Variants in AATF observed in about 807,000 individuals in gnomAD.
The protein encoded by AATF is apoptosis antagonizing transcription factor.
Under a neutral mutation model 63.7 loss-of-function variants are expected in AATF, and 48 were observed. The ratio of observed to expected loss-of-function variants is 0.75; its 90% CI spans 0.60 to 0.96. The LOEUF (loss-of-function observed/expected upper bound fraction) is 0.96, where lower values mean the gene tolerates loss of function less well. AATF is among the 40% of genes least tolerant of loss of function. The pLI is 0.00. For synonymous variants in AATF, 258 were observed against 247.7 expected, an observed-to-expected ratio of 1.04 and a Z score of -0.39; for missense variants, 639 against 685.7, an observed-to-expected ratio of 0.93 and a Z score of 0.76.
At chr17:37,007,740 G>C (rs1180369404) in intron 8 of AATF, among the ~76,000 whole-genome samples, 1 of 152,132 alleles carries the variant, frequency 6.6e-6, no homozygotes, top group East Asian at 1.9e-4. Context: ...AAGAGGACAT[G>C]GCATTTGATC....
chr17:37,004,336 G>A (rs2071325551), intron 8 of AATF, among the ~76,000 whole-genome samples: 1 of 149,686 alleles, frequency 6.7e-6, no homozygotes, highest in Admixed American at 6.7e-5. Flanking sequence ...TGAAAAAAAA[G>A]AGAGAGAGTG....
chr17:36,989,474 A>G, intron 7 of AATF, 63 bp downstream of exon 7: 4 of 1,483,226 alleles, frequency 2.7e-6, no homozygotes, highest in Non-Finnish European at 3.6e-6. Context: ...ATTAGCTGAA[A>G]AACTTGTAGC....
intron 4 of AATF, among the ~76,000 whole-genome samples, chr17:36,983,291 C>T (rs537930381): frequency 1.3e-5 from 2 of 152,222 alleles, no homozygotes; most frequent in Admixed American, 6.5e-5. Context: ...AGTTTATCCA[C>T]CTCAGCCTCC....
intron 8 of AATF, among the ~76,000 whole-genome samples, chr17:36,999,389 G>A (rs1367134726): frequency 1.3e-5 from 2 of 152,180 alleles, no homozygotes; most frequent in Non-Finnish European, 2.9e-5. Flanking sequence ...TGGCTGTTTA[G>A]ATTTAAATTT....
intron 11 of AATF, among the ~76,000 whole-genome samples, chr17:37,041,198 T>G (rs571242457): frequency 6.6e-6 from 1 of 152,354 alleles, no homozygotes; most frequent in South Asian, 2.1e-4. Context: ...TCAGATTAAC[T>G]TATAAGCATT....
At chr17:36,960,471 T>G (rs2070938330) in intron 4 of AATF, among the ~76,000 whole-genome samples, 1 of 152,188 alleles carries the variant, frequency 6.6e-6, no homozygotes, top group South Asian at 2.1e-4. Context: ...TTCACATAGT[T>G]CAAAATTCAA....
chr17:36,965,305 C>T (rs928401913), intron 4 of AATF, among the ~76,000 whole-genome samples: 1 of 152,156 alleles, frequency 6.6e-6, no homozygotes, highest in Non-Finnish European at 1.5e-5. Context: ...TTATAGGCGG[C>T]CACATTCTTT....
At chr17:36,978,466 C>T (rs1402241435) in intron 4 of AATF, among the ~76,000 whole-genome samples, 1 of 151,998 alleles carries the variant, frequency 6.6e-6, no homozygotes, top group East Asian at 1.9e-4. Context: ...TTGGCTTAGC[C>T]TTCATGATTT....
In AATF at chr17:37,056,822, C is replaced by T. The variant is rs34871681; in HGVS notation, c.*158C>T. On this transcript the variant is annotated 3_prime_UTR_variant, in exon 12 of 12. Transcript: ENST00000619387. ...CCTAATACACGCAAGGGCGCTGTCCCGCCCAACCCCGCCTTTAAACGCCAC... is the reference window on the plus strand; with the variant it reads ...CCTAATACACGCAAGGGCGCTGTCCTGCCCAACCCCGCCTTTAAACGCCAC... The T allele has an allele frequency of 1.3e-3, 869 of 675,554 alleles. 5 individuals are homozygous for T. The African/African-American group carries it at 0.013, about 10-fold the overall frequency. 41.8% of individuals were successfully genotyped at this position (675,554 alleles called of 1,614,324 possible).
chr17:36,981,898 G>A (rs1308017850), intron 4 of AATF, among the ~76,000 whole-genome samples: 1 of 151,642 alleles, frequency 6.6e-6, no homozygotes, highest in Non-Finnish European at 1.5e-5. Context: ...ATTTTTAAGT[G>A]TACAGTTTAG....
At chr17:37,011,387 A>G (rs1238469206) in intron 8 of AATF, among the ~76,000 whole-genome samples, 2 of 152,168 alleles carry the variant, frequency 1.3e-5, no homozygotes, top group African/African-American at 4.8e-5. Context: ...AAACAAAAAA[A>G]AAGTATGGGG....
At chr17:37,024,567 T>A (rs1347428720) in intron 10 of AATF, among the ~76,000 whole-genome samples, 2 of 152,184 alleles carry the variant, frequency 1.3e-5, no homozygotes, top group African/African-American at 4.8e-5. Flanking sequence ...GAGTGCTAGA[T>A]CATGACCACG....
intron 4 of AATF, among the ~76,000 whole-genome samples, chr17:36,959,041 G>T (rs181520617): frequency 6.6e-6 from 1 of 152,242 alleles, no homozygotes; most frequent in East Asian, 1.9e-4. Flanking sequence ...AGCTATTCAG[G>T]AGGCCAAACA....
rs1465609131 is a variant in AATF, at chr17:36,993,122, T to C, written c.1398+2265T>C. Among the ~76,000 whole-genome samples the C allele has an allele frequency of 2.0e-5, 3 of 152,220 alleles. No individual in the cohort carries two copies. In the East Asian group the frequency reaches 5.8e-4, roughly 29 times the overall value. On this transcript the variant is annotated intron_variant, in intron 8 of 11. Transcript: ENST00000619387. ...AGATTCTAAATATGGTGCTTAGAAC[T>C]GTGCAGGTTTTAATCACTTACCACT...
rs965538104 is a variant in AATF, at chr17:37,036,973, C to T, written c.1619+5288C>T. 9.9e-5 allele frequency among the ~76,000 whole-genome samples: 15 copies of T among 151,018 alleles called. 1 individual carries two copies. The East Asian group carries it at 1.4e-3, about 14-fold the overall frequency. ...TGCTAAACCCTTGATGCTCTTGACA[C>T]GGGGTAGCTCAGCTCCCAGGACAGC... is the stretch of plus-strand genomic sequence containing the variant. On this transcript the variant is annotated intron_variant, in intron 11 of 11. Transcript: ENST00000619387.
intron 11 of AATF, 145 bp from the exon 12 acceptor site, chr17:37,056,456 G>A: frequency 1.4e-6 from 1 of 727,656 alleles, no homozygotes; most frequent in Non-Finnish European, 2.3e-6. Context: ...GTATTTGTGA[G>A]TAAGAGCTGT....
At chr17:37,047,060 C>T (rs1276310410) in intron 11 of AATF, among the ~76,000 whole-genome samples, 3 of 152,140 alleles carry the variant, frequency 2.0e-5, no homozygotes. Context: ...GCAGAGAGCT[C>T]TGCATCCCAG....
chr17:36,990,689 A>T, intron 7 of AATF, 85 bp from the exon 8 acceptor site: 2 of 830,616 alleles, frequency 2.4e-6, no homozygotes, highest in South Asian at 1.8e-5. Flanking sequence ...CAGTGCTTTG[A>T]CTGTTCTACA....
At chr17:36,950,493 G>GAGT in intron 2 of AATF, 88 bp downstream of exon 2, 1 of 1,320,080 alleles carries the variant, frequency 7.6e-7, no homozygotes, top group South Asian at 1.4e-5. Context: ...ATCTTTGCAA[G>GAGT]AGTAGTCTGC....
Sources: gnomAD v4.1 joint callset for allele counts (sites outside exome capture counted in the v4.1 genomes callset) on GRCh38, gnomAD v4.1.1 for gene constraint, MANE v1.5 for transcripts, NCBI Gene and HGNC (gene_info 2026-07-23, HGNC 2026-07-21) for gene names.